Variants in MCC observed in about 807,000 individuals in gnomAD.
The protein encoded by MCC is MCC regulator of Wnt signaling pathway.
MCC carries 90 observed loss-of-function variants against 116.2 expected under a neutral mutation model. The observed-to-expected ratio is 0.77, with a 90% CI of 0.65 to 0.92. MCC has a LOEUF of 0.92. Among genes scored for constraint, MCC ranks in the 40% least tolerant of loss-of-function variants. The pLI is 0.00. For synonymous variants in MCC, 578 were observed against 510.5 expected (o/e 1.13, Z -1.78); for missense variants, 1,516 against 1,312.2 (o/e 1.16, Z -2.40).
chr5:113,167,992 C>T (rs1052661334), intron 3 of MCC, among the ~76,000 whole-genome samples: 1 of 152,170 alleles, frequency 6.6e-6, no homozygotes, highest in African/African-American at 2.4e-5. Context: ...GGATTTTAAA[C>T]ATTAACAATT....
intron 17 of MCC, among the ~76,000 whole-genome samples, chr5:113,043,084 G>A (rs985014433): frequency 6.6e-6 from 1 of 152,074 alleles, no homozygotes; most frequent in South Asian, 2.1e-4. Flanking sequence ...ACTGGGGGGC[G>A]GTGAGGGGAA....
chr5:113,406,700 G>A (rs1000303624), intron 1 of MCC, among the ~76,000 whole-genome samples: 5 of 152,066 alleles, frequency 3.3e-5, no homozygotes, highest in African/African-American at 4.8e-5. Context: ...AGCAAATGAG[G>A]AACAAACTAA....
intron 2 of MCC, among the ~76,000 whole-genome samples, chr5:113,379,468 TTTATC>T (rs1238558510): frequency 6.6e-6 from 1 of 152,202 alleles, no homozygotes; most frequent in Non-Finnish European, 1.5e-5. Flanking sequence ...GTGTTACCGC[TTTATC>T]TTGAGACATA....
intron 3 of MCC, among the ~76,000 whole-genome samples, chr5:113,238,877 C>T (rs1300208116): frequency 1.3e-5 from 2 of 152,152 alleles, no homozygotes; most frequent in South Asian, 2.1e-4. Flanking sequence ...TCCAAAGAAG[C>T]AGTTACAAGA....
At chr5:113,322,765 A>G (rs1767454874) in intron 3 of MCC, among the ~76,000 whole-genome samples, 1 of 152,214 alleles carries the variant, frequency 6.6e-6, no homozygotes, top group African/African-American at 2.4e-5. Flanking sequence ...GAATGAGGGA[A>G]GCCAAACAAG....
intron 3 of MCC, among the ~76,000 whole-genome samples, chr5:113,322,133 A>G (rs1767436448): frequency 6.6e-6 from 1 of 152,166 alleles, no homozygotes; most frequent in African/African-American, 2.4e-5. Context: ...CACCTGGCCC[A>G]TGATTTGTAT....
intron 3 of MCC, among the ~76,000 whole-genome samples, chr5:113,175,376 G>A (rs533205030): frequency 5.9e-5 from 9 of 152,132 alleles, no homozygotes; most frequent in Non-Finnish European, 1.3e-4. Context: ...TATTTATTCT[G>A]CTTATCTTAA....
At chr5:113,160,693 C>T (rs1490824158) in intron 3 of MCC, among the ~76,000 whole-genome samples, 1 of 152,148 alleles carries the variant, frequency 6.6e-6, no homozygotes, top group African/African-American at 2.4e-5. Context: ...GAGGGTTATT[C>T]TGTTAAGAGA....
chr5:113,272,888 C>G (rs992769897), intron 3 of MCC, among the ~76,000 whole-genome samples: 41 of 152,328 alleles, frequency 2.7e-4, no homozygotes, highest in Middle Eastern at 3.4e-3. Flanking sequence ...AATATAACCA[C>G]TGATTATCAC....
chr5:113,239,938 A>T (rs549015465), intron 3 of MCC, among the ~76,000 whole-genome samples: 1 of 152,342 alleles, frequency 6.6e-6, no homozygotes, highest in South Asian at 2.1e-4. Context: ...CACAGAGCTC[A>T]GGTTGAGCTT....
intron 2 of MCC, among the ~76,000 whole-genome samples, chr5:113,346,765 C>T (rs530557435): frequency 6.6e-6 from 1 of 152,158 alleles, no homozygotes; most frequent in South Asian, 2.1e-4. Flanking sequence ...AAGACTACCT[C>T]AAGGCATCTA....
chr5:113,093,578 C>T (rs995985470), intron 8 of MCC, among the ~76,000 whole-genome samples: 5 of 151,956 alleles, frequency 3.3e-5, no homozygotes, highest in Admixed American at 6.6e-5. Context: ...GGGGATTTGG[C>T]CCTAGAGCTG....
At chr5:113,208,818 AAT>A (rs138451486) in intron 3 of MCC, among the ~76,000 whole-genome samples, 2,846 of 152,320 alleles carry the variant, frequency 0.019, 99 homozygotes, top group African/African-American at 0.063. Context: ...ACTCAAAAGC[AAT>A]ATGTCCCCAA....
intron 14 of MCC, among the ~76,000 whole-genome samples, chr5:113,062,199 G>A (rs968702376): frequency 2.0e-5 from 3 of 152,154 alleles, no homozygotes; most frequent in Non-Finnish European, 2.9e-5. Flanking sequence ...CCATTCTTTG[G>A]TGAGGTTATC....
intron 1 of MCC, chr5:113,435,094 C>A: frequency 2.1e-6 from 1 of 477,476 alleles, no homozygotes; most frequent in South Asian, 4.6e-5. Flanking sequence ...GACTTGGAAT[C>A]CTGGAAGGCT....
chr5:113,308,652 T>C (rs1838204), intron 3 of MCC, among the ~76,000 whole-genome samples: 62,081 of 151,902 alleles, frequency 0.41, 15,616 homozygotes, highest in African/African-American at 0.7. Context: ...GGGAGACCTT[T>C]GTCTCTACAG....
At chr5:113,094,727 C>A (rs931632006) in intron 8 of MCC, among the ~76,000 whole-genome samples, 10 of 152,190 alleles carry the variant, frequency 6.6e-5, no homozygotes, top group Admixed American at 3.3e-4. Context: ...GCCAATGTTC[C>A]TAATTTCTTA....
rs546759354 is a variant in MCC at position 113,080,076 on chromosome 5, A to G, written c.1784+2784T>C. On this transcript the variant is annotated intron_variant, in intron 11 of 18. Coordinates refer to ENST00000408903, the MANE Select transcript of MCC (RefSeq NM_001085377.2). ...AATGCTCAGCATCACTGGCCATCAG[A>G]GAAATGCAAATCAAAACCACAATGA... 1.2e-4 allele frequency among the ~76,000 whole-genome samples: 19 copies of G among 152,388 alleles called. No homozygotes were observed. In the East Asian group the frequency reaches 3.7e-3, roughly 29 times the overall value.
chr5:113,486,559 C>T (rs1269043974), intron 1 of MCC, among the ~76,000 whole-genome samples: 3 of 152,136 alleles, frequency 2.0e-5, no homozygotes, highest in African/African-American at 7.2e-5. Flanking sequence ...TTTTTTGCAT[C>T]CATGCGGGGA....
Sources: allele counts gnomAD v4.1 joint callset (sites outside exome capture counted in the v4.1 genomes callset), GRCh38; gene constraint gnomAD v4.1.1; transcripts MANE v1.5; gene names NCBI Gene and HGNC (gene_info 2026-07-23, HGNC 2026-07-21).